EBF2: variants seen among roughly 807,000 people sequenced by gnomAD.
The protein encoded by EBF2 is transcription factor COE2.
EBF2 carries 21 observed loss-of-function variants against 72.8 expected under a neutral mutation model. That is an observed-to-expected ratio of 0.29 (90% CI 0.20 to 0.42). EBF2 has a LOEUF of 0.42. EBF2 is among the 10% of genes least tolerant of loss of function. EBF2 has a pLI of 1.00. For missense variants in EBF2, 637 were observed against 731.2 expected (o/e 0.87, Z 1.49); for synonymous variants, 299 against 274.2 (o/e 1.09, Z -0.89).
intron 6 of EBF2, among the ~76,000 whole-genome samples, chr8:25,987,355 C>G (rs1224410086): frequency 6.6e-6 from 1 of 152,168 alleles, no homozygotes; most frequent in Non-Finnish European, 1.5e-5. Context: ...AACTGAGGCA[C>G]AGAGAGGCTC....
At chr8:26,005,529 T>C (rs1400530927) in intron 6 of EBF2, among the ~76,000 whole-genome samples, 2 of 67,426 alleles carry the variant, frequency 3.0e-5, no homozygotes, top group Non-Finnish European at 6.1e-5. Context: ...ATATATTATA[T>C]ATTATATATA....
rs566968400 is a variant in EBF2 at position 25,889,611 on chromosome 8, C to T, written c.751+141G>A. ...TGGAGCAGGCTGGAGTCTGTGTTTA[C>T]AACTTCGTTTAAAAAAAAAAAAACC... is the stretch of plus-strand genomic sequence containing the variant. On this transcript the variant is annotated intron_variant, in intron 8 of 15. Coordinates refer to ENST00000520164, the MANE Select transcript of EBF2 (RefSeq NM_022659.4). 26 of 643,750 alleles carry T rather than the reference C, an allele frequency of 4.0e-5. No homozygotes were observed. In the South Asian group the frequency reaches 5.1e-4, roughly 13 times the overall value. 39.9% of individuals were successfully genotyped at this position (643,750 alleles called of 1,614,324 possible). A position where few individuals can be genotyped will look rare whatever the true frequency, so the allele number is the denominator to read the frequency against.
chr8:26,000,678 T>C (rs1003841973), intron 6 of EBF2, among the ~76,000 whole-genome samples: 1 of 152,176 alleles, frequency 6.6e-6, no homozygotes, highest in South Asian at 2.1e-4. Context: ...TGGAAACACC[T>C]GGGATCAAGG....
At chr8:25,863,009 A>C (rs1168940347) in intron 10 of EBF2, among the ~76,000 whole-genome samples, 1 of 72,918 alleles carries the variant, frequency 1.4e-5, no homozygotes, top group Non-Finnish European at 2.9e-5. Context: ...AAAATTTCAG[A>C]TTATAATTAT....
intron 6 of EBF2, among the ~76,000 whole-genome samples, chr8:25,930,385 C>T (rs1803459734): frequency 6.6e-6 from 1 of 152,178 alleles, no homozygotes; most frequent in Non-Finnish European, 1.5e-5. Context: ...CTCTGAGCCT[C>T]ACTCATATCT....
rs1199190528 is a variant in EBF2, at chr8:25,852,288, G to C, written c.1529-1527C>G. 3.9e-5 allele frequency among the ~76,000 whole-genome samples: 6 copies of C among 152,170 alleles called. No homozygotes were observed. The East Asian group carries it at 1.2e-3, about 29-fold the overall frequency. On this transcript the variant is annotated intron_variant, in intron 14 of 15. Transcript: ENST00000520164. ...CTGAGCAAAATCTCTTCTAGCCTTG[G>C]GTTTGGCATTAGTGAAATAGAAAAA... is the stretch of plus-strand genomic sequence containing the variant.
At chr8:26,038,128 C>T (rs1805534644) in intron 5 of EBF2, among the ~76,000 whole-genome samples, 1 of 152,220 alleles carries the variant, frequency 6.6e-6, no homozygotes, top group Non-Finnish European at 1.5e-5. Context: ...GAGAACTTCC[C>T]TTTTGGATGC....
chr8:25,934,063 T>G (rs1468960262), intron 6 of EBF2, among the ~76,000 whole-genome samples: 1 of 152,206 alleles, frequency 6.6e-6, no homozygotes, highest in Non-Finnish European at 1.5e-5. Context: ...AAGGAAAGTC[T>G]GCATTCCTGA....
At position 25,869,584 on chromosome 8, in the gene EBF2, C is replaced by T. The variant is rs182182184; in HGVS notation, c.1010-6787G>A. ...TCTAATATATTTTGGGGGTGGGGGC[C>T]GATTAAACACTTGCACTCACAAGGC... On this transcript the variant is annotated intron_variant, in intron 10 of 15. Transcript: ENST00000520164. Among the ~76,000 whole-genome samples the T allele has an allele frequency of 5.3e-5, 8 of 152,040 alleles. No individual in the cohort carries two copies. In the East Asian group the frequency reaches 1.5e-3, roughly 29 times the overall value.
At chr8:25,976,786 G>C (rs1804275220) in intron 6 of EBF2, among the ~76,000 whole-genome samples, 1 of 152,148 alleles carries the variant, frequency 6.6e-6, no homozygotes, top group South Asian at 2.1e-4. Context: ...CCTTTTCCCG[G>C]TAAACATGGA....
intron 14 of EBF2, chr8:25,858,007 A>G: frequency 2.0e-6 from 1 of 493,052 alleles, no homozygotes; most frequent in African/African-American, 1.9e-5. Context: ...AGTGCCTAAG[A>G]GCACACATAT....
chr8:25,948,071 GCATTCATTCATT>G (rs376459361), intron 6 of EBF2, among the ~76,000 whole-genome samples: 1 of 152,096 alleles, frequency 6.6e-6, no homozygotes, highest in South Asian at 2.1e-4. Context: ...AGGTGGCCAA[GCATTCATTCATT>G]CATTCATTCA....
chr8:25,879,742 T>C (rs956319958), intron 10 of EBF2, among the ~76,000 whole-genome samples: 2 of 152,178 alleles, frequency 1.3e-5, no homozygotes, highest in African/African-American at 4.8e-5. Context: ...GTGCCATATC[T>C]CCACTCTTTC....
chr8:26,018,496 CAAAAAAA>C (rs10555042), intron 6 of EBF2, among the ~76,000 whole-genome samples: 16,773 of 82,244 alleles, frequency 0.2, 958 homozygotes, highest in Admixed American at 0.24. Context: ...ACTAAAAATA[CAAAAAAA>C]AAAAAAAAAA....
At chr8:25,857,084 G>C (rs1381819541) in intron 14 of EBF2, among the ~76,000 whole-genome samples, 1 of 151,880 alleles carries the variant, frequency 6.6e-6, no homozygotes, top group Admixed American at 6.6e-5. Context: ...CCTACTATGG[G>C]GTAGAAACAA....
rs1803986834 is a variant in EBF2 at position 25,958,647 on chromosome 8, A to C, written c.552-50092T>G. On this transcript the variant is annotated intron_variant, in intron 6 of 15. Transcript: ENST00000520164. ...ACCAACTCCAGCCCAGCTTCTTCTA[A>C]TTTTTTAAGGAAGGTTCCCTGTTGA... Among the ~76,000 whole-genome samples the C allele has an allele frequency of 3.3e-5, 5 of 152,098 alleles. No homozygotes were observed. The South Asian group carries it at 1.0e-3, about 32-fold the overall frequency.
chr8:25,933,663 G>A (rs950462389), intron 6 of EBF2, among the ~76,000 whole-genome samples: 1 of 152,084 alleles, frequency 6.6e-6, no homozygotes, highest in Non-Finnish European at 1.5e-5. Flanking sequence ...TAATAAATAC[G>A]ATGGTGGAAA....
chr8:25,893,515 T>A (rs959108558), intron 7 of EBF2, among the ~76,000 whole-genome samples: 15 of 151,948 alleles, frequency 9.9e-5, no homozygotes, highest in Non-Finnish European at 1.8e-4. Flanking sequence ...TTACCTTAAG[T>A]GATCCTCCCG....
At chr8:25,935,019 C>T (rs2117150123) in intron 6 of EBF2, among the ~76,000 whole-genome samples, 1 of 152,304 alleles carries the variant, frequency 6.6e-6, no homozygotes, top group Admixed American at 6.5e-5. Flanking sequence ...AGCTGTTTCT[C>T]GCCAGGAGTG....
Sources: gnomAD v4.1 joint callset for allele counts (sites outside exome capture counted in the v4.1 genomes callset) on GRCh38, gnomAD v4.1.1 for gene constraint, MANE v1.5 for transcripts, NCBI Gene and HGNC (gene_info 2026-07-23, HGNC 2026-07-21) for gene names.